Variants in PRKCA observed in about 807,000 individuals in gnomAD.
The protein encoded by PRKCA is protein kinase C alpha type.
A neutral mutation model predicts 87.0 loss-of-function variants in PRKCA; 27 were observed. The ratio of observed to expected loss-of-function variants is 0.31; its 90% confidence interval spans 0.23 to 0.43. The LOEUF (loss-of-function observed/expected upper bound fraction) is 0.43, where lower values mean the gene tolerates loss of function less well. Among genes scored for constraint, PRKCA ranks in the 20% least tolerant of loss-of-function variants. PRKCA has a pLI of 1.00. For missense variants in PRKCA, 518 were observed against 852.3 expected (o/e 0.61, Z 4.88); for synonymous variants, 329 against 311.1 (o/e 1.06, Z -0.61).
chr17:66,702,944 A>G (rs1973098665), intron 8 of PRKCA, among the ~76,000 whole-genome samples: 1 of 152,184 alleles, frequency 6.6e-6, no homozygotes, highest in African/African-American at 2.4e-5. Flanking sequence ...GTACAGTAAA[A>G]ATACAATATA....
chr17:66,783,438 G>A (rs1473439862), intron 14 of PRKCA, among the ~76,000 whole-genome samples: 1 of 152,174 alleles, frequency 6.6e-6, no homozygotes, highest in Non-Finnish European at 1.5e-5. Context: ...CCAGCCTTCA[G>A]TGGGGCCCAG....
At chr17:66,648,106 C>G (rs974310015) in intron 5 of PRKCA, among the ~76,000 whole-genome samples, 1 of 152,204 alleles carries the variant, frequency 6.6e-6, no homozygotes, top group African/African-American at 2.4e-5. Flanking sequence ...ATAGATGGCA[C>G]TTCTCACTGT....
chr17:66,753,092 G>C (rs530652259), intron 13 of PRKCA, among the ~76,000 whole-genome samples: 2 of 152,200 alleles, frequency 1.3e-5, no homozygotes, highest in Admixed American at 1.3e-4. Flanking sequence ...AATGTAAAAA[G>C]CATGCTTAGC....
At chr17:66,437,908 AG>A (rs1197825084) in intron 2 of PRKCA, among the ~76,000 whole-genome samples, 1 of 151,854 alleles carries the variant, frequency 6.6e-6, no homozygotes, top group Non-Finnish European at 1.5e-5. Context: ...ACCTTTTAAC[AG>A]GTTCTCTTCA....
chr17:66,534,540 G>T (rs981395253), intron 3 of PRKCA, among the ~76,000 whole-genome samples: 3 of 152,028 alleles, frequency 2.0e-5, no homozygotes, highest in African/African-American at 7.2e-5. Context: ...GGTGGCGGGC[G>T]CCTGTAGTCC....
chr17:66,420,979 A>G (rs996884738), intron 2 of PRKCA, among the ~76,000 whole-genome samples: 4 of 152,204 alleles, frequency 2.6e-5, no homozygotes, highest in African/African-American at 4.8e-5. Flanking sequence ...TTGATAATGC[A>G]TTATTGTTAT....
At chr17:66,654,996 A>G (rs1394033824) in intron 5 of PRKCA, among the ~76,000 whole-genome samples, 1 of 152,222 alleles carries the variant, frequency 6.6e-6, no homozygotes, top group Non-Finnish European at 1.5e-5. Context: ...TTGGAGACTC[A>G]TCCTGCTCTC....
At chr17:66,725,668 G>T (rs1343969879) in intron 8 of PRKCA, among the ~76,000 whole-genome samples, 1 of 151,924 alleles carries the variant, frequency 6.6e-6, no homozygotes, top group Non-Finnish European at 1.5e-5. Context: ...AAATTAGCTG[G>T]GTGTGGTGAT....
chr17:66,550,373 G>A (rs541474376), intron 3 of PRKCA, among the ~76,000 whole-genome samples: 5 of 152,184 alleles, frequency 3.3e-5, no homozygotes, highest in East Asian at 3.9e-4. Context: ...CTCTGGGTCC[G>A]GGTGCAGTGG....
intron 3 of PRKCA, among the ~76,000 whole-genome samples, 199 bp from the exon 4 acceptor site, chr17:66,641,156 C>CAAAAAAAAA (rs1173576619): frequency 8.1e-6 from 1 of 123,624 alleles, no homozygotes; most frequent in Non-Finnish European, 2.0e-5. Context: ...GACTCTGTCT[C>CAAAAAAAAA]AAAAAACAAC....
At chr17:66,754,985 C>T (rs150907514) in intron 13 of PRKCA, among the ~76,000 whole-genome samples, 6 of 152,218 alleles carry the variant, frequency 3.9e-5, no homozygotes, top group African/African-American at 7.2e-5. Flanking sequence ...ACGGATTTGG[C>T]GGCGGGGGAT....
chr17:66,736,284 CTT>C (rs148439214), intron 10 of PRKCA, among the ~76,000 whole-genome samples: 1 of 144,082 alleles, frequency 6.9e-6, no homozygotes, highest in Admixed American at 6.9e-5. Context: ...ACAGTCTTGG[CTT>C]TTTTTTTTTG....
At chr17:66,765,041 T>A (rs1001199813) in intron 13 of PRKCA, among the ~76,000 whole-genome samples, 7 of 152,056 alleles carry the variant, frequency 4.6e-5, no homozygotes, top group African/African-American at 1.4e-4. Flanking sequence ...AAAAGTAAAA[T>A]ACAAGCCGAA....
intron 3 of PRKCA, among the ~76,000 whole-genome samples, chr17:66,569,108 G>T (rs1316174737): frequency 6.6e-6 from 1 of 152,178 alleles, no homozygotes; most frequent in African/African-American, 2.4e-5. Context: ...TGTTTATGAA[G>T]TTGAGGTACA....
intron 2 of PRKCA, among the ~76,000 whole-genome samples, chr17:66,392,525 C>T (rs1208453425): frequency 6.6e-6 from 1 of 152,092 alleles, no homozygotes; most frequent in African/African-American, 2.4e-5. Flanking sequence ...TTTGTAATAA[C>T]CACACTTATT....
intron 8 of PRKCA, among the ~76,000 whole-genome samples, chr17:66,722,003 C>CG (rs745888879): frequency 2.0e-5 from 3 of 152,070 alleles, no homozygotes; most frequent in Non-Finnish European, 4.4e-5. Context: ...ATGGACCCAC[C>CG]GGGAGCCCTG....
rs531643241 is a variant in PRKCA, at chr17:66,447,864, C to T, written c.206-48337C>T. Among the ~76,000 whole-genome samples, 7 of 152,332 alleles carry T rather than the reference C, an allele frequency of 4.6e-5. No homozygotes were observed. In the South Asian group the frequency reaches 1.2e-3, roughly 27 times the overall value. On this transcript the variant is annotated intron_variant, in intron 2 of 16. Coordinates refer to ENST00000413366, the MANE Select transcript of PRKCA (RefSeq NM_002737.3). ...CTTTCTTGTTTACTGGAGGGCTTGG[C>T]TAAGACCAAACTTGGGTACCCTGGG...
At chr17:66,393,802 G>C (rs1399298365) in intron 2 of PRKCA, among the ~76,000 whole-genome samples, 4 of 152,096 alleles carry the variant, frequency 2.6e-5, no homozygotes, top group African/African-American at 9.7e-5. Flanking sequence ...GGCTGGGCGT[G>C]GTGGCTCACT....
intron 3 of PRKCA, among the ~76,000 whole-genome samples, chr17:66,587,356 G>A (rs1486709145): frequency 1.3e-5 from 2 of 152,054 alleles, no homozygotes; most frequent in Admixed American, 6.6e-5. Flanking sequence ...GCATCATTTT[G>A]TGTTGTTTTA....
Sources: gnomAD v4.1 joint callset for allele counts (sites outside exome capture counted in the v4.1 genomes callset) on GRCh38, gnomAD v4.1.1 for gene constraint, MANE v1.5 for transcripts, NCBI Gene and HGNC (gene_info 2026-07-23, HGNC 2026-07-21) for gene names.